AGRN: variants seen among roughly 807,000 people sequenced by gnomAD.
The protein encoded by AGRN is agrin proteoglycan.
In AGRN, 106 loss-of-function variants were observed where a neutral mutation model predicts 211.0. The ratio of observed to expected loss-of-function variants is 0.50; its 90% CI spans 0.43 to 0.59. The LOEUF (loss-of-function observed/expected upper bound fraction) is 0.59. Among genes scored for constraint, AGRN ranks in the 20% least tolerant of loss-of-function variants. AGRN has a pLI of 0.00. For synonymous variants in AGRN, 1,525 were observed against 1,332.5 expected (o/e 1.14, Z -3.15); for missense variants, 3,040 against 2,982.6 (o/e 1.02, Z -0.45).
intron 3 of AGRN, among the ~76,000 whole-genome samples, chr1:1,035,898 G>C (rs1318766779): frequency 6.6e-6 from 1 of 152,138 alleles, no homozygotes; most frequent in African/African-American, 2.4e-5. Flanking sequence ...GTGAGGTGGG[G>C]CCTGTCCTCC....
In AGRN at chr1:1,046,631, C is replaced by A. The variant is rs766920385; in HGVS notation, c.3146C>A (p.Ala1049Glu). 1 of 1,600,682 alleles carries A rather than the reference C, an allele frequency of 6.2e-7. No individual in the cohort carries two copies. Reference sequence around the variant, plus strand: ...GTGCCCCCCACGGCACCCTCCCCTGCACCCAGCCTGGTGGCGTCCGCCTTT... The same window carrying A: ...GTGCCCCCCACGGCACCCTCCCCTGAACCCAGCCTGGTGGCGTCCGCCTTT... ...LTVPPTAPSP[A>E]PSLVASAFGE... Residue 1049 changes from alanine (A) to glutamate (E), a missense_variant, in exon 18 of 36, where the codon GCA (alanine) becomes GAA (glutamate). Ala to Glu is a moderately radical substitution (Grantham distance 107, BLOSUM62 -1). This residue lies in a region of AGRN where 1,537 missense variants were observed against 1,505.0 expected (regional missense o/e 1.02). Transcript: ENST00000379370.
rs748598591 is a variant in AGRN, at chr1:1,053,925, C to T, written c.5824C>T (p.Arg1942Cys). 7.5e-6 allele frequency: 12 copies of T among 1,605,788 alleles called. No homozygotes were observed. The highest frequency in any genetic ancestry group is 6.8e-5 in the Admixed American group (4 of 59,060). ...YNLGSQPVVLRSTVPVNTNRW... is the reference protein window; with the variant it reads ...YNLGSQPVVLCSTVPVNTNRW... ...CCTGGGCTCCCAGCCCGTGGTGCTG[C>T]GTTCCACCGTGCCCGTCAACACCAA... is the stretch of plus-strand genomic sequence containing the variant. Residue 1942 changes from arginine to cysteine, a missense_variant, in exon 34 of 36, where the codon CGT becomes TGT. Physicochemically the swap from Arg to Cys is radical, Grantham distance 180 (BLOSUM62 -3). Transcript: ENST00000379370.
chr1:1,038,492 GGCTCTGTCTTGGGACGTA>G (rs1644853517), intron 3 of AGRN, among the ~76,000 whole-genome samples: 1 of 152,228 alleles, frequency 6.6e-6, no homozygotes, highest in South Asian at 2.1e-4. Context: ...TCTTCCCCAA[GGCTCTGTCTTGGGACGTA>G]GCAGGACCTC....
chr1:1,040,962 C>A lies in AGRN; in HGVS notation c.727+82C>A. ...GCGAGGCTGGGAGGGGCTTCGGGGC[C>A]AGTGGGGCGGGGGCAGGGGCGGGGC... is the stretch of plus-strand genomic sequence containing the variant. On this transcript the variant is annotated intron_variant, in intron 4 of 35. Coordinates refer to ENST00000379370, the MANE Select transcript of AGRN (RefSeq NM_198576.4). 4.3e-6 allele frequency: 2 copies of A among 465,806 alleles called. 1 individual carries two copies. Among genetic ancestry groups the A allele is most frequent in the Non-Finnish European group, 5.8e-6 (2 of 346,518 alleles). 28.9% of individuals were successfully genotyped at this position (465,806 alleles called of 1,614,324 possible).
intron 1 of AGRN, among the ~76,000 whole-genome samples, chr1:1,021,502 C>G (rs1404837823): frequency 6.6e-6 from 1 of 152,232 alleles, no homozygotes; most frequent in East Asian, 1.9e-4. Context: ...CCCAGCCCCC[C>G]AGATCTGAGG....
intron 2 of AGRN, among the ~76,000 whole-genome samples, chr1:1,030,468 TGTGCAGTGCATGGTGCTGTGAGATCAGC>T (rs1490579362): frequency 1.2e-5 from 1 of 83,746 alleles, no homozygotes. Flanking sequence ...CATGTGTGTG[TGTGCAGTGCATGGTGCTGTGAGATCAGC>T]GTGTGTGTGC....
At chr1:1,038,244 G>A (rs550168403) in intron 3 of AGRN, among the ~76,000 whole-genome samples, 3 of 152,324 alleles carry the variant, frequency 2.0e-5, no homozygotes, top group South Asian at 2.1e-4. Context: ...GAGGCAGAGG[G>A]GAAGGGGCCA....
chr1:1,039,256 A>G (rs551619564), intron 3 of AGRN, among the ~76,000 whole-genome samples: 121 of 151,792 alleles, frequency 8.0e-4, no homozygotes, highest in African/African-American at 2.8e-3. Context: ...TGGGGGGAGC[A>G]TGGGTAGGTT....
chr1:1,038,136 G>T (rs2100619087), intron 3 of AGRN, among the ~76,000 whole-genome samples: 1 of 152,294 alleles, frequency 6.6e-6, no homozygotes. Context: ...ACCCTGGGCT[G>T]GCCGGCAGTG....
rs1441983767 is a variant in AGRN, at chr1:1,043,270, G to A, written c.1416G>A (p.Gln472=). The A allele has an allele frequency of 1.2e-6, 2 of 1,611,194 alleles. No homozygotes were observed. The highest frequency in any genetic ancestry group is 1.1e-5 in the South Asian group (1 of 90,416). The change falls in exon 8 of 36, where the codon CAG becomes CAA. Residue 472 remains glutamine, a synonymous_variant. Transcript: ENST00000379370. Reference sequence around the variant, plus strand: ...CCCCGTCCCCATGCCTCGGGGTGCAGTGTGCATTTGGGGCGACGTGTGCTG... The same window carrying A: ...CCCCGTCCCCATGCCTCGGGGTGCAATGTGCATTTGGGGCGACGTGTGCTG... The part of the protein sequence containing the change: ...DQAPSPCLGV[Q]CAFGATCAVK...
At position 1,053,854 on chromosome 1, in the gene AGRN, A is replaced by G. The variant is rs779519955; in HGVS notation, c.5753A>G (p.Tyr1918Cys). The change falls in exon 34 of 36, where the codon TAT (tyrosine) becomes TGT (cysteine). Residue 1918 changes from tyrosine to cysteine, a missense_variant. Physicochemically the swap from Tyr to Cys is radical, Grantham distance 194. This residue lies in a region of AGRN where 1,537 missense variants were observed against 1,505.0 expected (regional missense o/e 1.02). Transcript: ENST00000379370. Reference protein sequence around the residue: ...WSGKATERADYVALAIVDGHL... With the variant: ...WSGKATERADCVALAIVDGHL... Reference sequence around the variant, plus strand: ...GGCAAGGCCACGGAGCGGGCAGACTATGTGGCACTGGCCATTGTGGACGGG... The same window carrying G: ...GGCAAGGCCACGGAGCGGGCAGACTGTGTGGCACTGGCCATTGTGGACGGG... 2.2e-5 allele frequency: 35 copies of G among 1,610,576 alleles called. 1 individual carries two copies. The highest frequency in any genetic ancestry group is 1.3e-4 in the East Asian group (6 of 44,826).
intron 4 of AGRN, 45 bp downstream of exon 4, chr1:1,040,925 C>T (rs1219919632): frequency 1.1e-5 from 14 of 1,319,246 alleles, no homozygotes; most frequent in Non-Finnish European, 1.4e-5. Context: ...GGGGCGGGGC[C>T]TATGAGATGG....
intron 18 of AGRN, 31 bp from the exon 19 acceptor site, chr1:1,046,789 C>T (rs1468057679): frequency 6.3e-7 from 1 of 1,574,958 alleles, no homozygotes; most frequent in African/African-American, 1.3e-5. Context: ...GAGGCTCCAC[C>T]AGAGCCTGGG....
rs773071527 is a variant in AGRN at position 1,051,264 on chromosome 1, C to G, written c.5265C>G (p.Thr1755=). ...TGGCGTCCCCGCAGGTTCCGCACACCGTCCTCAACCTGAAGGAGCCGCTCT... is the reference window on the plus strand; with the variant it reads ...TGGCGTCCCCGCAGGTTCCGCACACGGTCCTCAACCTGAAGGAGCCGCTCT... ...RVLGESPVPH[T]VLNLKEPLYV... The change falls in exon 31 of 36, where the codon ACC becomes ACG. Residue 1755 remains threonine, a synonymous_variant. Coordinates refer to ENST00000379370, the MANE Select transcript of AGRN (RefSeq NM_198576.4). 2 of 1,581,186 alleles carry G rather than the reference C, an allele frequency of 1.3e-6. No individual in the cohort carries two copies. The highest frequency in any genetic ancestry group is 1.7e-6 in the Non-Finnish European group (2 of 1,164,800).
Position 1,054,843 on chromosome 1 carries a change from C to A in AGRN, c.6000C>A (p.Pro2000=). Residue 2000 remains proline, a synonymous_variant, in exon 36 of 36, where the codon CCC becomes CCA. Coordinates refer to ENST00000379370, the MANE Select transcript of AGRN (RefSeq NM_198576.4). ...ALWLGGLPEL[P]VGPALPKAYG... is the part of the protein sequence containing the mutation. The stretch of plus-strand genomic sequence containing the variant: ...CTGCAGGGGGCCTGCCGGAGCTGCC[C>A]GTGGGCCCAGCACTGCCCAAGGCCT... 1 of 1,559,972 alleles carries A rather than the reference C, an allele frequency of 6.4e-7. No individual in the cohort carries two copies. The highest frequency in any genetic ancestry group is 2.4e-5 in the East Asian group (1 of 42,006).
In AGRN at chr1:1,050,166, C is replaced by T. The variant is rs977337100; in HGVS notation, c.4880-67C>T. 10 of 1,598,234 alleles carry T rather than the reference C, an allele frequency of 6.3e-6. No individual in the cohort carries two copies. In the African/African-American group the frequency reaches 8.1e-5, roughly 13 times the overall value. ...TCTGGGTTTTGAGTTAGGATCCACA[C>T]ACGGCTGGCATGGGGTGCAGGAGGC... On this transcript the variant is annotated intron_variant, in intron 27 of 35. Transcript: ENST00000379370.
chr1:1,049,471 G>A lies in AGRN; in HGVS notation c.4514+20G>A, dbSNP rs1335698044. The A allele has an allele frequency of 1.2e-6, 2 of 1,600,360 alleles. No individual in the cohort carries two copies. The highest frequency in any genetic ancestry group is 1.3e-5 in the African/African-American group (1 of 74,974). ...TGCCGTGTGAGTCCCTTGGAGGGTG[G>A]TGTGGCCCCGACCCCGGCCCTTTGG... On this transcript the variant is annotated intron_variant, in intron 25 of 35. Transcript: ENST00000379370.
At chr1:1,033,497 G>T (rs1389926884) in intron 2 of AGRN, among the ~76,000 whole-genome samples, 1 of 150,214 alleles carries the variant, frequency 6.7e-6, no homozygotes, top group Non-Finnish European at 1.5e-5. Context: ...CTCCTCCCGC[G>T]ACCTGCCCCG....
chr1:1,049,114 G>GGC (rs1557716538), intron 24 of AGRN, 55 bp downstream of exon 24: 26 of 695,590 alleles, frequency 3.7e-5, no homozygotes, highest in East Asian at 1.3e-4. Context: ...GAGGGGACGG[G>GGC]CGGGGGAGGG....
Sources: allele counts gnomAD v4.1 joint callset (sites outside exome capture counted in the v4.1 genomes callset), GRCh38; gene constraint gnomAD v4.1.1; regional missense constraint gnomAD v4.1.1; transcripts MANE v1.5; gene names NCBI Gene and HGNC (gene_info 2026-07-23, HGNC 2026-07-21).